CEP162: variants seen among roughly 807,000 people sequenced by gnomAD.
The protein encoded by CEP162 is centrosomal protein 162.
A neutral mutation model predicts 169.2 loss-of-function variants in CEP162; 141 were observed. The observed-to-expected ratio is 0.83, with a 90% CI of 0.73 to 0.96. The LOEUF (loss-of-function observed/expected upper bound fraction) is 0.96, where lower values mean the gene tolerates loss of function less well. Ranked by LOEUF, CEP162 falls within the 40% of genes least tolerant of loss-of-function variation. The pLI is 0.00. For synonymous variants in CEP162, 540 were observed against 526.4 expected, an observed-to-expected ratio of 1.03 and a Z score of -0.35; for missense variants, 1,600 against 1,587.2, an observed-to-expected ratio of 1.01 and a Z score of -0.14.
intron 19 of CEP162, among the ~76,000 whole-genome samples, 178 bp downstream of exon 19, chr6:84,162,966 C>T (rs184127346): frequency 1.3e-4 from 20 of 152,230 alleles, no homozygotes; most frequent in Admixed American, 1.0e-3. Context: ...GCAGTTATTC[C>T]TGTTAAACCC....
intron 25 of CEP162, among the ~76,000 whole-genome samples, chr6:84,133,789 A>G (rs1714857622): frequency 6.6e-6 from 1 of 152,098 alleles, no homozygotes; most frequent in South Asian, 2.1e-4. Flanking sequence ...TAGGAAAGGG[A>G]ATTCCCAGAC....
intron 11 of CEP162, among the ~76,000 whole-genome samples, chr6:84,189,410 C>T (rs775658928): frequency 2.6e-5 from 4 of 152,160 alleles, no homozygotes; most frequent in Non-Finnish European, 5.9e-5. Context: ...GCGGCGCTTG[C>T]GGGCCAGCTG....
At chr6:84,128,853 C>T (rs1358227757) in intron 25 of CEP162, among the ~76,000 whole-genome samples, 1 of 151,716 alleles carries the variant, frequency 6.6e-6, no homozygotes, top group South Asian at 2.1e-4. Context: ...ACCCCCAACC[C>T]CCCGACAGGC....
chr6:84,224,827 T>C (rs2099555086), intron 2 of CEP162, among the ~76,000 whole-genome samples: 1 of 152,174 alleles, frequency 6.6e-6, no homozygotes, highest in Admixed American at 6.5e-5. Flanking sequence ...AAACATCTTC[T>C]AAAAGGCCTG....
chr6:84,197,252 A>G (rs533673274), intron 9 of CEP162, among the ~76,000 whole-genome samples: 149 of 134,656 alleles, frequency 1.1e-3, no homozygotes, highest in African/African-American at 3.7e-3. Context: ...TGAGAAATGG[A>G]AAAAAAAAAA....
chr6:84,162,898 T>C (rs1023213817), intron 19 of CEP162, among the ~76,000 whole-genome samples: 4 of 152,200 alleles, frequency 2.6e-5, no homozygotes, highest in Admixed American at 6.5e-5. Flanking sequence ...GACAGATTTA[T>C]GAACGACCAA....
At chr6:84,135,459 T>C (rs1045799682) in intron 25 of CEP162, among the ~76,000 whole-genome samples, 10 of 152,216 alleles carry the variant, frequency 6.6e-5, no homozygotes, top group African/African-American at 2.4e-4. Context: ...GACAGACTGC[T>C]TCCCAGAGAA....
intron 11 of CEP162, among the ~76,000 whole-genome samples, chr6:84,189,180 T>TG (rs1392947864): frequency 3.9e-5 from 6 of 151,908 alleles, no homozygotes; most frequent in African/African-American, 1.5e-4. Context: ...GCCTCCCGAG[T>TG]AGCTGGTGAG....
chr6:84,195,093 A>G lies in CEP162; in HGVS notation c.836-18T>C, dbSNP rs2127725557. The G allele has an allele frequency of 6.6e-7, 1 of 1,521,876 alleles. No individual in the cohort carries two copies. The highest frequency in any genetic ancestry group is 2.3e-5 in the East Asian group (1 of 43,372). The allele number at this position is 1,521,876 out of a possible 1,614,324, so 94.3% of individuals were successfully genotyped here. On this transcript the variant is annotated intron_variant, in intron 9 of 26. Transcript: ENST00000403245. ...AGAAACACCTGTTGAAATAAACGTA[A>G]TCACCAGAAATAATTACATCACAAA...
rs768857069 is a variant in CEP162 at position 84,126,485 on chromosome 6, C to G, written c.3898G>C (p.Glu1300Gln). The G allele has an allele frequency of 1.3e-6, 2 of 1,556,922 alleles. No individual in the cohort carries two copies. Among genetic ancestry groups the G allele is most frequent in the Admixed American group, 3.9e-5 (2 of 51,232 alleles). Residue 1300 changes from glutamate (E) to glutamine (Q), a missense_variant, in exon 26 of 27, where the codon GAA becomes CAA. Transcript: ENST00000403245. ...TCTGGTGTATGGTTTTCTTTGGCTT[C>G]TCTCAATTCTTCTAAGAGTTTTGTA... ...EITKLLEELR[E>Q]AKENHTPEMK... is the part of the protein sequence containing the mutation.
At chr6:84,178,667 T>C (rs2099533393) in intron 13 of CEP162, among the ~76,000 whole-genome samples, 3 of 152,204 alleles carry the variant, frequency 2.0e-5, no homozygotes. Flanking sequence ...CCTTTTCTTT[T>C]TTAAATTTTT....
chr6:84,139,933 G>GCTGGTGTGTTCATGGTTCTCACCAGA (rs1554162646), intron 25 of CEP162, among the ~76,000 whole-genome samples: 11 of 151,142 alleles, frequency 7.3e-5, no homozygotes, highest in African/African-American at 2.7e-4. Context: ...ACCCTCTCAG[G>GCTGGTGTGTTCATGGTTCTCACCAGA]CTGGTGTGTT....
At chr6:84,140,857 G>T (rs577589308) in intron 25 of CEP162, among the ~76,000 whole-genome samples, 2 of 152,228 alleles carry the variant, frequency 1.3e-5, no homozygotes, top group African/African-American at 4.8e-5. Flanking sequence ...ATAGCTTACT[G>T]GTCTAGAGCA....
At position 84,185,284 on chromosome 6, in the gene CEP162, G is replaced by C; in HGVS notation, c.1566C>G (p.Leu522=). 1 of 1,613,634 alleles carries C rather than the reference G, an allele frequency of 6.2e-7. No homozygotes were observed. The highest frequency in any genetic ancestry group is 8.5e-7 in the Non-Finnish European group (1 of 1,179,642). ...TCTTTTCAAGAGTAGAAAACATCTT[G>C]AGTGGTGAACTGGGTTTGCCATAGC... is the stretch of plus-strand genomic sequence containing the variant. The part of the protein sequence containing the change: ...SSGYGKPSSP[L]KMFSTLEKKT... Residue 522 remains leucine, a synonymous_variant, in exon 13 of 27, where the codon CTC becomes CTG. Transcript: ENST00000403245.
intron 25 of CEP162, among the ~76,000 whole-genome samples, chr6:84,137,796 C>T (rs1049666036): frequency 2.6e-5 from 4 of 151,872 alleles, no homozygotes; most frequent in Non-Finnish European, 4.4e-5. Context: ...AATATTAAAA[C>T]TCTAGAATAT....
chr6:84,125,320 G>A, intron 26 of CEP162, 44 bp from the exon 27 acceptor site: 5 of 1,538,344 alleles, frequency 3.3e-6, no homozygotes, highest in Non-Finnish European at 4.5e-6. Context: ...GTTCATAGTG[G>A]TGGGTGAGGA....
At position 84,175,027 on chromosome 6, in the gene CEP162, AAAG is replaced by A. The variant is rs931795934; in HGVS notation, c.1798-76_1798-74del. ...TTTGAACACAGGTGGTTAATTAAAA[AAAG>A]AATAAAAAGGACATGGTTAATAATG... On this transcript the variant is annotated intron_variant, in intron 14 of 26. Transcript: ENST00000403245. The A allele has an allele frequency of 9.5e-6, 10 of 1,050,614 alleles. No homozygotes were observed. In the African/African-American group the frequency reaches 1.4e-4, roughly 15 times the overall value. 65.1% of individuals were successfully genotyped at this position (1,050,614 alleles called of 1,614,324 possible). A position where few individuals can be genotyped will look rare whatever the true frequency, so the allele number is the denominator to read the frequency against.
At chr6:84,219,807 C>T (rs1433918352) in intron 3 of CEP162, among the ~76,000 whole-genome samples, 2 of 152,134 alleles carry the variant, frequency 1.3e-5, no homozygotes, top group East Asian at 1.9e-4. Context: ...TTCCTACCCT[C>T]GCAAAGCTCC....
At chr6:84,199,536 A>AT (rs978866438) in intron 9 of CEP162, among the ~76,000 whole-genome samples, 58 of 137,388 alleles carry the variant, frequency 4.2e-4, no homozygotes, top group African/African-American at 1.5e-3. Context: ...GGTATACTAT[A>AT]TATCAATTAA....
Sources: gnomAD v4.1 joint callset for allele counts (sites outside exome capture counted in the v4.1 genomes callset) on GRCh38, gnomAD v4.1.1 for gene constraint, MANE v1.5 for transcripts, NCBI Gene and HGNC (gene_info 2026-07-23, HGNC 2026-07-21) for gene names.